QSOX1: variants seen among roughly 807,000 people sequenced by gnomAD.
QSOX1 encodes sulfhydryl oxidase 1.
A neutral mutation model predicts 76.1 loss-of-function variants in QSOX1; 40 were observed. That is an observed-to-expected ratio of 0.53 (90% CI 0.41 to 0.68). The LOEUF is 0.68. Ranked by LOEUF, QSOX1 falls within the 30% of genes least tolerant of loss-of-function variation. The pLI, the probability that QSOX1 is intolerant of heterozygous loss-of-function variation, is 0.00. For missense variants in QSOX1, 931 were observed against 974.3 expected (o/e 0.96, Z 0.59); for synonymous variants, 392 against 413.1 (o/e 0.95, Z 0.62).
At chr1:180,168,322 G>A (rs1572040967) in intron 2 of QSOX1, among the ~76,000 whole-genome samples, 1 of 151,908 alleles carries the variant, frequency 6.6e-6, no homozygotes, top group Non-Finnish European at 1.5e-5. Context: ...GCCTCCAGAC[G>A]GGCAGCACCT....
At position 180,194,262 on chromosome 1, in the gene QSOX1, C is replaced by T; in HGVS notation, c.1338C>T (p.Phe446=). 1 of 1,613,228 alleles carries T rather than the reference C, an allele frequency of 6.2e-7. No homozygotes were observed. The highest frequency in any genetic ancestry group is 8.5e-7 in the Non-Finnish European group (1 of 1,179,480). ...CCATCCGAGGCTACGTGCACTACTT[C>T]TTCGGCTGCCGAGACTGCGCTAGCC... ...LPAIRGYVHY[F]FGCRDCASHF... is the part of the protein sequence containing the mutation. Residue 446 remains phenylalanine, a synonymous_variant, in exon 11 of 12, where the codon TTC becomes TTT. Transcript: ENST00000367602.
chr1:180,166,531 TGAG>T lies in QSOX1; in HGVS notation c.310_312del (p.Glu104del), dbSNP rs1662632501. 2 of 1,614,156 alleles carry T rather than the reference TGAG, an allele frequency of 1.2e-6. No homozygotes were observed. The highest frequency in any genetic ancestry group is 1.7e-6 in the Non-Finnish European group (2 of 1,180,028). On this transcript the variant is annotated inframe_deletion, in exon 2 of 12. Transcript: ENST00000367602. ...TGTATCTCGCCGCCCTGGACTGTGC[TGAG>T]GAGACCAACAGTGCAGTCTGCAGAG... is the stretch of plus-strand genomic sequence containing the variant.
chr1:180,195,071 T>C (rs890511248), intron 11 of QSOX1, among the ~76,000 whole-genome samples: 6 of 151,928 alleles, frequency 3.9e-5, no homozygotes, highest in African/African-American at 1.5e-4. Context: ...CGCCTGCACT[T>C]GGTCGTGGTC....
At chr1:180,171,688 A>G (rs1427690810) in intron 2 of QSOX1, among the ~76,000 whole-genome samples, 6 of 152,216 alleles carry the variant, frequency 3.9e-5, no homozygotes, top group Admixed American at 3.9e-4. Flanking sequence ...GAAGAGTGTC[A>G]GGACCTGACA....
chr1:180,179,810 A>G (rs1662986014), intron 5 of QSOX1, among the ~76,000 whole-genome samples: 1 of 152,244 alleles, frequency 6.6e-6, no homozygotes, highest in Admixed American at 6.5e-5. Context: ...TGCTGTCTCC[A>G]GGCCTCTCAG....
chr1:180,157,958 G>A (rs1017957811), intron 1 of QSOX1, among the ~76,000 whole-genome samples: 1 of 152,212 alleles, frequency 6.6e-6, no homozygotes, highest in Non-Finnish European at 1.5e-5. Flanking sequence ...AAGTCACAGA[G>A]GGCTAATCTG....
chr1:180,180,790 C>A (rs549883147), intron 5 of QSOX1, among the ~76,000 whole-genome samples: 63 of 152,360 alleles, frequency 4.1e-4, no homozygotes, highest in African/African-American at 1.5e-3. Flanking sequence ...GCTGGAATTA[C>A]AGGTGTGAGC....
At chr1:180,182,998 T>C (rs1663077565) in intron 6 of QSOX1, among the ~76,000 whole-genome samples, 1 of 152,136 alleles carries the variant, frequency 6.6e-6, no homozygotes, top group Non-Finnish European at 1.5e-5. Context: ...GGCCTCACCC[T>C]GGCCCAGATC....
At chr1:180,186,871 T>G (rs898839172) in intron 8 of QSOX1, among the ~76,000 whole-genome samples, 2 of 152,218 alleles carry the variant, frequency 1.3e-5, no homozygotes, top group Non-Finnish European at 2.9e-5. Context: ...CTCCTTCCTC[T>G]CTGAAGGTGA....
chr1:180,168,754 A>G (rs1662696091), intron 2 of QSOX1, among the ~76,000 whole-genome samples: 2 of 152,132 alleles, frequency 1.3e-5, no homozygotes, highest in Non-Finnish European at 2.9e-5. Flanking sequence ...GGAAAACACT[A>G]CTCAAACAGA....
At chr1:180,164,566 G>A (rs1392819255) in intron 1 of QSOX1, among the ~76,000 whole-genome samples, 4 of 152,196 alleles carry the variant, frequency 2.6e-5, no homozygotes, top group Admixed American at 2.6e-4. Flanking sequence ...TCAGCCCCAA[G>A]AAGGGCCAGC....
At chr1:180,162,895 T>G (rs1662525552) in intron 1 of QSOX1, among the ~76,000 whole-genome samples, 1 of 152,186 alleles carries the variant, frequency 6.6e-6, no homozygotes, top group Non-Finnish European at 1.5e-5. Context: ...AAACAGCTCT[T>G]TTATAGAGAG....
intron 1 of QSOX1, among the ~76,000 whole-genome samples, chr1:180,164,508 G>A (rs1662566466): frequency 6.6e-6 from 1 of 152,216 alleles, no homozygotes; most frequent in Non-Finnish European, 1.5e-5. Context: ...GAAGGGGGTG[G>A]TGTGGCCACA....
At chr1:180,191,859 G>C (rs375910087) in intron 10 of QSOX1, among the ~76,000 whole-genome samples, 2 of 152,090 alleles carry the variant, frequency 1.3e-5, no homozygotes, top group Non-Finnish European at 2.9e-5. Flanking sequence ...GCCAGTAGAC[G>C]TCTGTTGTCT....
In QSOX1 at chr1:180,201,664, C is replaced by T. The variant is rs981412407; in HGVS notation, c.*4627C>T. ...CTCCTGGATGTCACACCTGGCCTGTCTCTGACCCTTGCTTTCCCTTTCTCT... is the reference window on the plus strand; with the variant it reads ...CTCCTGGATGTCACACCTGGCCTGTTTCTGACCCTTGCTTTCCCTTTCTCT... On this transcript the variant is annotated 3_prime_UTR_variant, in exon 12 of 12. Transcript: ENST00000367602. The T allele has an allele frequency of 2.6e-5, 4 of 152,518 alleles. No homozygotes were observed. The highest frequency in any genetic ancestry group is 9.6e-5 in the African/African-American group (4 of 41,480). The allele number at this position is 152,518 out of a possible 1,614,324, so 9.4% of individuals were successfully genotyped here. A position where few individuals can be genotyped will look rare whatever the true frequency, so the allele number is the denominator to read the frequency against.
At chr1:180,174,970 T>C (rs536203918) in intron 2 of QSOX1, among the ~76,000 whole-genome samples, 72 of 151,668 alleles carry the variant, frequency 4.7e-4, no homozygotes, top group African/African-American at 1.7e-3. Context: ...GCCAACACAG[T>C]GAAACCCCAT....
At chr1:180,175,221 C>T in intron 2 of QSOX1, 100 bp from the exon 3 acceptor site, 5 of 1,057,572 alleles carry the variant, frequency 4.7e-6, no homozygotes, top group Non-Finnish European at 7.4e-6. Flanking sequence ...TTTGCCCAGC[C>T]ACCGCATTGA....
rs762791561 is a variant in QSOX1 at position 180,175,923 on chromosome 1, A to T, written c.413-8A>T. Reference sequence around the variant, plus strand: ...TGACACTCCGCTCACGCCTGTTTTCATTTACAGTGGCTGGTGCTGACGTGC... The same window carrying T: ...TGACACTCCGCTCACGCCTGTTTTCTTTTACAGTGGCTGGTGCTGACGTGC... On this transcript the variant is annotated splice_region_variant and splice_polypyrimidine_tract_variant and intron_variant, in intron 3 of 11. Transcript: ENST00000367602. 1 of 1,583,302 alleles carries T rather than the reference A, an allele frequency of 6.3e-7. No individual in the cohort carries two copies.
intron 1 of QSOX1, among the ~76,000 whole-genome samples, chr1:180,162,152 A>G (rs895774277): frequency 6.6e-6 from 1 of 152,260 alleles, no homozygotes; most frequent in African/African-American, 2.4e-5. Context: ...ATAATGTATC[A>G]TATTTCTAGG....
Sources: allele counts gnomAD v4.1 joint callset (sites outside exome capture counted in the v4.1 genomes callset), GRCh38; gene constraint gnomAD v4.1.1; transcripts MANE v1.5; gene names NCBI Gene and HGNC (gene_info 2026-07-23, HGNC 2026-07-21).